The following ZNF778 variants were observed in gnomAD, a reference collection of about 807,000 sequenced individuals.
ZNF778 encodes the protein zinc finger protein 778.
ZNF778 carries 37 observed loss-of-function variants against 23.9 expected under a neutral mutation model. That is an observed-to-expected ratio of 1.54 (90% confidence interval 1.19 to 2.03). The LOEUF (loss-of-function observed/expected upper bound fraction) is 2.03. Ranked by LOEUF, ZNF778 falls within the 30% of genes most tolerant of loss-of-function variation. The pLI is 0.00. For synonymous variants in ZNF778, 483 were observed against 343.9 expected, an observed-to-expected ratio of 1.40 and a Z score of -4.48; for missense variants, 1,297 against 934.4, an observed-to-expected ratio of 1.39 and a Z score of -5.06.
chr16:89,223,018 G>T, intron 3 of ZNF778, 139 bp from the exon 4 acceptor site: 1 of 1,017,186 alleles, frequency 9.8e-7, no homozygotes, highest in Non-Finnish European at 1.4e-6. Flanking sequence ...GGCAGAGAAG[G>T]GTTCCTGGGA....
chr16:89,224,361 G>A (rs1439852121), intron 4 of ZNF778, among the ~76,000 whole-genome samples: 3 of 152,232 alleles, frequency 2.0e-5, no homozygotes, highest in Admixed American at 2.0e-4. Context: ...GCTCATGCCT[G>A]TAATCCTAGC....
At position 89,232,117 on chromosome 16, in the gene ZNF778, G is replaced by C. The variant is rs569280079; in HGVS notation, c.*3555G>C. 6.3e-6 allele frequency: 1 copy of C among 158,536 alleles called. No individual in the cohort carries two copies. The highest frequency in any genetic ancestry group is 5.8e-5 in the Admixed American group (1 of 17,164). The allele number at this position is 158,536 out of a possible 1,614,324, so 9.8% of individuals were successfully genotyped here. Reference sequence around the variant, plus strand: ...CCCTCAGTGTGGCAGTGCTGGGAGGGGGCCTGGTGGGGGTTTGGGTCATGG... The same window carrying C: ...CCCTCAGTGTGGCAGTGCTGGGAGGCGGCCTGGTGGGGGTTTGGGTCATGG... On this transcript the variant is annotated 3_prime_UTR_variant, in exon 7 of 7. Coordinates refer to ENST00000433976, the MANE Select transcript of ZNF778 (RefSeq NM_001201407.2).
At position 89,229,995 on chromosome 16, in the gene ZNF778, G is replaced by T. The variant is rs1266247388; in HGVS notation, c.*1433G>T. 1 of 982,580 alleles carries T rather than the reference G, an allele frequency of 1.0e-6. No individual in the cohort carries two copies. Among genetic ancestry groups the T allele is most frequent in the Non-Finnish European group, 1.2e-6 (1 of 827,492 alleles). The allele number at this position is 982,580 out of a possible 1,614,324, so 60.9% of individuals were successfully genotyped here. A position where few individuals can be genotyped will look rare whatever the true frequency, so the allele number is the denominator to read the frequency against. ...CTTGAGGATCCAGATGTGATCCTGTGTGAGCAGTGTAGGCTCTGGTTGGTT... is the reference window on the plus strand; with the variant it reads ...CTTGAGGATCCAGATGTGATCCTGTTTGAGCAGTGTAGGCTCTGGTTGGTT... On this transcript the variant is annotated 3_prime_UTR_variant, in exon 7 of 7. Coordinates refer to ENST00000433976, the MANE Select transcript of ZNF778 (RefSeq NM_001201407.2).
Position 89,226,875 on chromosome 16 carries a change from A to C in ZNF778, c.587A>C (p.Gln196Pro). The change falls in exon 7 of 7, where the codon CAG becomes CCG. Residue 196 changes from glutamine (Q) to proline (P), a missense_variant. Transcript: ENST00000433976. ...AAAACCTTGTTCAAAATTGGAGAGC[A>C]GTTTTCCGTGTTGGGTCAGTGTGGA... ...CQKTLFKIGEQFSVLGQCGKA... is the reference protein window; with the variant it reads ...CQKTLFKIGEPFSVLGQCGKA... 3 of 1,614,054 alleles carry C rather than the reference A, an allele frequency of 1.9e-6. No homozygotes were observed. Among genetic ancestry groups the C allele is most frequent in the African/African-American group, 1.3e-5 (1 of 75,066 alleles).
In ZNF778 at chr16:89,222,118, T is replaced by G. The variant is rs762543626; in HGVS notation, c.52T>G (p.Cys18Gly). The G allele has an allele frequency of 1.9e-6, 3 of 1,603,582 alleles. No individual in the cohort carries two copies. The East Asian group carries it at 6.8e-5, about 36-fold the overall frequency. The change falls in exon 3 of 7, where the codon TGC becomes GGC. Residue 18 changes from cysteine (C) to glycine (G), a missense_variant. Coordinates refer to ENST00000433976, the MANE Select transcript of ZNF778 (RefSeq NM_001201407.2). ...HGGHVSRDSV[C>G]LHEEQTQAAG... ...AGGTCATGTTTCTAGGGACTCAGTC[T>G]GCCTTCATGAAGAACAGACACAGGC...
At chr16:89,218,134 C>G (rs2030532917) in intron 1 of ZNF778, 1 of 152,144 alleles carries the variant, frequency 6.6e-6, no homozygotes, top group Non-Finnish European at 1.5e-5. Flanking sequence ...AGGCCCGGCC[C>G]TCGGGGCGGG....
Position 89,221,003 on chromosome 16 carries a change from G to C in ZNF778, c.-125G>C. 2 of 999,844 alleles carry C rather than the reference G, an allele frequency of 2.0e-6. No homozygotes were observed. Among genetic ancestry groups the C allele is most frequent in the South Asian group, 1.5e-5 (1 of 68,300 alleles). 61.9% of individuals were successfully genotyped at this position (999,844 alleles called of 1,614,324 possible). ...TCTTCATCATGATTGCTAGGAAATAGGGATCCAGCCATCCGTGGGTCAGGA... is the reference window on the plus strand; with the variant it reads ...TCTTCATCATGATTGCTAGGAAATACGGATCCAGCCATCCGTGGGTCAGGA... On this transcript the variant is annotated 5_prime_UTR_variant, in exon 2 of 7. Coordinates refer to ENST00000433976, the MANE Select transcript of ZNF778 (RefSeq NM_001201407.2).
chr16:89,230,177 A>T lies in ZNF778; in HGVS notation c.*1615A>T, dbSNP rs1443419535. 2.1e-6 allele frequency: 1 copy of T among 478,434 alleles called. No homozygotes were observed. The highest frequency in any genetic ancestry group is 6.4e-5 in the Admixed American group (1 of 15,644). The allele number at this position is 478,434 out of a possible 1,614,324, so 29.6% of individuals were successfully genotyped here. Reference sequence around the variant, plus strand: ...ATGAAAATGCCCTTGTTCCTCTCCCATACCTGATCCCTTCAGATAAAACAC... The same window carrying T: ...ATGAAAATGCCCTTGTTCCTCTCCCTTACCTGATCCCTTCAGATAAAACAC... On this transcript the variant is annotated 3_prime_UTR_variant, in exon 7 of 7. Coordinates refer to ENST00000433976, the MANE Select transcript of ZNF778 (RefSeq NM_001201407.2).
Position 89,229,363 on chromosome 16 carries a change from G to A in ZNF778, c.*801G>A, listed in dbSNP as rs921317259. On this transcript the variant is annotated 3_prime_UTR_variant, in exon 7 of 7. Transcript: ENST00000433976. ...AGGATCCAGATGTGATCTTGTGTGAGCACTGTAGGCTCTGGTTGGTTAGTC... is the reference window on the plus strand; with the variant it reads ...AGGATCCAGATGTGATCTTGTGTGAACACTGTAGGCTCTGGTTGGTTAGTC... 1 of 985,286 alleles carries A rather than the reference G, an allele frequency of 1.0e-6. No homozygotes were observed. The highest frequency in any genetic ancestry group is 4.7e-5 in the South Asian group (1 of 21,290). The allele number at this position is 985,286 out of a possible 1,614,324, so 61.0% of individuals were successfully genotyped here. A position where few individuals can be genotyped will look rare whatever the true frequency, so the allele number is the denominator to read the frequency against.
chr16:89,231,325 TCACAGGTGACG>T lies in ZNF778; in HGVS notation c.*2765_*2775del, dbSNP rs1039110942. ...GTTGCCTGAGTCCAGAACTTGTGGG[TCACAGGTGACG>T]CCAGGACTGCATCATCCTGGTGCTC... On this transcript the variant is annotated 3_prime_UTR_variant, in exon 7 of 7. Coordinates refer to ENST00000433976, the MANE Select transcript of ZNF778 (RefSeq NM_001201407.2). The T allele has an allele frequency of 5.3e-4, 81 of 152,250 alleles. No individual in the cohort carries two copies. Among genetic ancestry groups the T allele is most frequent in the African/African-American group, 1.9e-3 (80 of 41,542 alleles). The allele number at this position is 152,250 out of a possible 1,614,324, so 9.4% of individuals were successfully genotyped here. A position where few individuals can be genotyped will look rare whatever the true frequency, so the allele number is the denominator to read the frequency against.
At chr16:89,220,285 C>T (rs1053293457) in intron 1 of ZNF778, among the ~76,000 whole-genome samples, 1 of 152,202 alleles carries the variant, frequency 6.6e-6, no homozygotes, top group Non-Finnish European at 1.5e-5. Context: ...TTAGTCACCT[C>T]ATCGGTAGAA....
At chr16:89,219,790 G>A (rs539403883) in intron 1 of ZNF778, among the ~76,000 whole-genome samples, 17 of 152,380 alleles carry the variant, frequency 1.1e-4, no homozygotes, top group African/African-American at 3.6e-4. Context: ...GAGCGTTAAC[G>A]CTGTTATATA....
chr16:89,225,421 C>G (rs2031385661), intron 5 of ZNF778, 134 bp from the exon 6 acceptor site: 3 of 650,924 alleles, frequency 4.6e-6, no homozygotes, highest in Non-Finnish European at 7.9e-6. Context: ...CTCCCAGTTC[C>G]TATGATTCCA....
rs753674558 is a variant in ZNF778, at chr16:89,227,900, T to C, written c.1612T>C (p.Cys538Arg). The change falls in exon 7 of 7, where the codon TGT becomes CGT. Residue 538 changes from cysteine to arginine, a missense_variant. Coordinates refer to ENST00000433976, the MANE Select transcript of ZNF778 (RefSeq NM_001201407.2). ...GGAGAAGCCCTATGAATGTAAGGAC[T>C]GTGGGAAAGCCTACAATAGGGTTTA... is the stretch of plus-strand genomic sequence containing the variant. ...TGEKPYECKD[C>R]GKAYNRVYLL... 2 of 1,614,170 alleles carry C rather than the reference T, an allele frequency of 1.2e-6. No homozygotes were observed. The highest frequency in any genetic ancestry group is 1.7e-6 in the Non-Finnish European group (2 of 1,180,022).
In ZNF778 at chr16:89,234,228, C is replaced by G. The variant is rs2032169722; in HGVS notation, c.*5666C>G. ...GTGGTTTTCCTCATAGTCTCTCTAC[C>G]TAAGCACATGTCTGTGACAAGGTCT... On this transcript the variant is annotated 3_prime_UTR_variant, in exon 7 of 7. Transcript: ENST00000433976. 1 of 361,746 alleles carries G rather than the reference C, an allele frequency of 2.8e-6. No individual in the cohort carries two copies. The highest frequency in any genetic ancestry group is 2.1e-5 in the African/African-American group (1 of 46,900). 22.4% of individuals were successfully genotyped at this position (361,746 alleles called of 1,614,324 possible). A position where few individuals can be genotyped will look rare whatever the true frequency, so the allele number is the denominator to read the frequency against.
rs1012482711 is a variant in ZNF778, at chr16:89,233,800, C to T, written c.*5238C>T. ...CTCGCACTGCGTATGCAACTCAGCTCGCACTGCGTATGCAACTCAACTGTT... is the reference window on the plus strand; with the variant it reads ...CTCGCACTGCGTATGCAACTCAGCTTGCACTGCGTATGCAACTCAACTGTT... On this transcript the variant is annotated 3_prime_UTR_variant, in exon 7 of 7. Transcript: ENST00000433976. The T allele has an allele frequency of 3.4e-5, 44 of 1,290,308 alleles. No homozygotes were observed. Among genetic ancestry groups the T allele is most frequent in the African/African-American group, 6.1e-5 (4 of 65,876 alleles). The allele number at this position is 1,290,308 out of a possible 1,614,324, so 79.9% of individuals were successfully genotyped here.
rs1056155026 is a variant in ZNF778 at position 89,233,865 on chromosome 16, C to A, written c.*5303C>A. 3 of 1,289,796 alleles carry A rather than the reference C, an allele frequency of 2.3e-6. No homozygotes were observed. Among genetic ancestry groups the A allele is most frequent in the Non-Finnish European group, 3.0e-6 (3 of 989,194 alleles). 79.9% of individuals were successfully genotyped at this position (1,289,796 alleles called of 1,614,324 possible). A position where few individuals can be genotyped will look rare whatever the true frequency, so the allele number is the denominator to read the frequency against. ...CCGGCCACTTCCTTTTTCTAACTAC[C>A]ACACCAAGCCAGTATTTCTCCTCCC... On this transcript the variant is annotated 3_prime_UTR_variant, in exon 7 of 7. Transcript: ENST00000433976.
chr16:89,228,267 T>G lies in ZNF778; in HGVS notation c.1979T>G (p.Leu660Arg), dbSNP rs776956411. Residue 660 changes from leucine (L) to arginine (R), a missense_variant, in exon 7 of 7, where the codon CTT becomes CGT. By Grantham distance (102) the Leu-to-Arg change is moderately radical. Coordinates refer to ENST00000433976, the MANE Select transcript of ZNF778 (RefSeq NM_001201407.2). Reference sequence around the variant, plus strand: ...AAAGCCTTTGCTTCCTCCTCACACCTTATCGAACACAGAAGGACTCACACA... The same window carrying G: ...AAAGCCTTTGCTTCCTCCTCACACCGTATCGAACACAGAAGGACTCACACA... ...CGKAFASSSH[L>R]IEHRRTHTGE... 31 of 1,605,464 alleles carry G rather than the reference T, an allele frequency of 1.9e-5. No homozygotes were observed. Among genetic ancestry groups the G allele is most frequent in the Non-Finnish European group, 2.6e-5 (31 of 1,173,224 alleles).
chr16:89,226,628 C>T, intron 6 of ZNF778, 66 bp from the exon 7 acceptor site: 2 of 1,400,906 alleles, frequency 1.4e-6, no homozygotes, highest in Admixed American at 2.2e-5. Flanking sequence ...GCTCTGTCTT[C>T]AGCTGGGTGA....
Sources: gnomAD v4.1 joint callset for allele counts (sites outside exome capture counted in the v4.1 genomes callset) on GRCh38, gnomAD v4.1.1 for gene constraint, MANE v1.5 for transcripts, NCBI Gene and HGNC (gene_info 2026-07-23, HGNC 2026-07-21) for gene names.